HHIP: variants seen among roughly 807,000 people sequenced by gnomAD.
HHIP encodes hedgehog-interacting protein.
HHIP carries 12 observed loss-of-function variants against 74.0 expected under a neutral mutation model. The observed-to-expected ratio is 0.16, with a 90% CI of 0.10 to 0.26. The LOEUF is 0.26. Ranked by LOEUF, HHIP falls within the 10% of genes least tolerant of loss-of-function variation. The pLI is 1.00. For synonymous variants in HHIP, 309 were observed against 311.6 expected, an observed-to-expected ratio of 0.99 and a Z score of 0.09; for missense variants, 788 against 845.0, an observed-to-expected ratio of 0.93 and a Z score of 0.84.
chr4:144,713,565 C>A (rs1028793178), intron 8 of HHIP, among the ~76,000 whole-genome samples: 6 of 152,054 alleles, frequency 3.9e-5, no homozygotes, highest in African/African-American at 1.4e-4. Context: ...ATGCAGATAT[C>A]CAAGTATGTA....
intron 4 of HHIP, among the ~76,000 whole-genome samples, chr4:144,684,223 A>T (rs1479072846): frequency 1.4e-5 from 2 of 146,688 alleles, no homozygotes; most frequent in African/African-American, 5.0e-5. Context: ...AATACAAAAA[A>T]AAAAAAGAAT....
At chr4:144,657,278 G>A (rs867112662) in intron 2 of HHIP, among the ~76,000 whole-genome samples, 3 of 152,084 alleles carry the variant, frequency 2.0e-5, no homozygotes, top group African/African-American at 4.8e-5. Flanking sequence ...TCTTTTATGC[G>A]CCATTGATGA....
rs569103692 is a variant in HHIP, at chr4:144,744,333, A to G, written c.*6376A>G. 6.6e-6 allele frequency: 1 copy of G among 152,302 alleles called. No homozygotes were observed. Among genetic ancestry groups the G allele is most frequent in the South Asian group, 2.1e-4 (1 of 4,824 alleles). The allele number at this position is 152,302 out of a possible 1,614,324, so 9.4% of individuals were successfully genotyped here. A position where few individuals can be genotyped will look rare whatever the true frequency, so the allele number is the denominator to read the frequency against. On this transcript the variant is annotated 3_prime_UTR_variant, in exon 13 of 13. Transcript: ENST00000296575. ...GATTTATTTTGTCCAGTATTAAGGA[A>G]TGGTTATCTTTATCATTCTTCTAAC...
At chr4:144,652,532 C>CA (rs1264846148) in intron 1 of HHIP, 73 bp from the exon 2 acceptor site, 18 of 962,138 alleles carry the variant, frequency 1.9e-5, no homozygotes, top group Admixed American at 2.3e-5. Flanking sequence ...TACACAATTG[C>CA]AAAAAATAAT....
chr4:144,684,232 A>ATTTTTTTTTTTTTTTTTTTTTTTTTT (rs1174297815), intron 4 of HHIP, among the ~76,000 whole-genome samples: 1 of 62,928 alleles, frequency 1.6e-5, no homozygotes, highest in East Asian at 4.7e-4. Flanking sequence ...AAAAAAAAGA[A>ATTTTTTTTTTTTTTTTTTTTTTTTTT]TTTTTTTTTT....
chr4:144,728,205 T>G (rs1378821019), intron 11 of HHIP, among the ~76,000 whole-genome samples: 1 of 152,216 alleles, frequency 6.6e-6, no homozygotes, highest in Non-Finnish European at 1.5e-5. Context: ...TTTGAAAGGT[T>G]TAGTGCCAAC....
chr4:144,707,071 T>G lies in HHIP; in HGVS notation c.984-16T>G. ...TCTTTTAACAGTCATGGTATTGTTT[T>G]CTTCCCACAATGTAGAAAAAATCCA... On this transcript the variant is annotated splice_polypyrimidine_tract_variant and intron_variant, in intron 5 of 12. Coordinates refer to ENST00000296575, the MANE Select transcript of HHIP (RefSeq NM_022475.3). 3 of 1,611,716 alleles carry G rather than the reference T, an allele frequency of 1.9e-6. No individual in the cohort carries two copies. The highest frequency in any genetic ancestry group is 2.5e-6 in the Non-Finnish European group (3 of 1,177,764).
chr4:144,682,809 C>T (rs1729382612), intron 4 of HHIP, among the ~76,000 whole-genome samples: 1 of 152,234 alleles, frequency 6.6e-6, no homozygotes, highest in Non-Finnish European at 1.5e-5. Flanking sequence ...TCAAAGATCA[C>T]TGGCCAAATT....
chr4:144,718,756 C>T (rs1429557416), intron 10 of HHIP, 119 bp from the exon 11 acceptor site: 1 of 702,368 alleles, frequency 1.4e-6, no homozygotes, highest in Non-Finnish European at 2.6e-6. Context: ...AATCTTTAGG[C>T]AAGTGATTTT....
rs76243357 is a variant in HHIP at position 144,688,107 on chromosome 4, A to G, written c.832-18424A>G. Among the ~76,000 whole-genome samples the G allele has an allele frequency of 4.7e-3, 712 of 152,264 alleles. 8 individuals are homozygous for G. Among genetic ancestry groups the G allele is most frequent in the African/African-American group, 0.017 (696 of 41,544 alleles). On this transcript the variant is annotated intron_variant, in intron 4 of 12. Transcript: ENST00000296575. ...CAAAACCCAGCCTGTGAACGCATTT[A>G]AAGAAATTTTGCTCTAGAATCAGCA...
chr4:144,725,733 A>G (rs1481247011), intron 11 of HHIP, among the ~76,000 whole-genome samples: 1 of 152,000 alleles, frequency 6.6e-6, no homozygotes, highest in East Asian at 1.9e-4. Context: ...CAATGGCACG[A>G]TCTCGGCTCA....
chr4:144,689,974 A>C (rs1413204287), intron 4 of HHIP, among the ~76,000 whole-genome samples: 1 of 151,878 alleles, frequency 6.6e-6, no homozygotes, highest in Non-Finnish European at 1.5e-5. Flanking sequence ...ACGCCCAGCT[A>C]ATTTTTGTAT....
At chr4:144,686,093 A>G (rs1729477512) in intron 4 of HHIP, among the ~76,000 whole-genome samples, 1 of 152,220 alleles carries the variant, frequency 6.6e-6, no homozygotes, top group Admixed American at 6.5e-5. Context: ...TCTCAATACT[A>G]TAAACAACTG....
At chr4:144,723,194 T>C (rs1730685672) in intron 11 of HHIP, among the ~76,000 whole-genome samples, 1 of 152,194 alleles carries the variant, frequency 6.6e-6, no homozygotes, top group African/African-American at 2.4e-5. Flanking sequence ...ATATCATTTA[T>C]CTGTTACCCA....
rs1291480102 is a variant in HHIP at position 144,741,579 on chromosome 4, AC to A, written c.*3624del. 6.6e-6 allele frequency: 1 copy of A among 151,910 alleles called. No individual in the cohort carries two copies. Among genetic ancestry groups the A allele is most frequent in the Non-Finnish European group, 1.5e-5 (1 of 68,020 alleles). 9.4% of individuals were successfully genotyped at this position (151,910 alleles called of 1,614,324 possible). On this transcript the variant is annotated 3_prime_UTR_variant, in exon 13 of 13. Coordinates refer to ENST00000296575, the MANE Select transcript of HHIP (RefSeq NM_022475.3). ...GTGTTTTTAGTAGAGACAGGGTTTC[AC>A]CATGTTGGCCAGGCTGATTTCAAAC...
rs1220748475 is a variant in HHIP at position 144,653,067 on chromosome 4, TG to T, written c.472+272del. Among the ~76,000 whole-genome samples the T allele has an allele frequency of 2.6e-5, 4 of 152,154 alleles. No homozygotes were observed. In the South Asian group the frequency reaches 8.3e-4, roughly 32 times the overall value. On this transcript the variant is annotated intron_variant, in intron 2 of 12. Coordinates refer to ENST00000296575, the MANE Select transcript of HHIP (RefSeq NM_022475.3). Reference sequence around the variant, plus strand: ...TAATAACAGCTTAACAGATTACAGGTGGTAATCTTTACACACGTTGGATTCT... The same window carrying T: ...TAATAACAGCTTAACAGATTACAGGTGTAATCTTTACACACGTTGGATTCT...
chr4:144,662,806 T>C (rs1728751189), intron 4 of HHIP, among the ~76,000 whole-genome samples: 1 of 152,236 alleles, frequency 6.6e-6, no homozygotes, highest in African/African-American at 2.4e-5. Flanking sequence ...AAGAAACACT[T>C]CTTTGAGATA....
intron 2 of HHIP, among the ~76,000 whole-genome samples, chr4:144,656,377 C>T (rs1728557743): frequency 6.6e-6 from 1 of 152,278 alleles, no homozygotes. Context: ...CCTCTGGAGC[C>T]ACCAAGTTTA....
chr4:144,650,723 G>C (rs1728396374), intron 1 of HHIP: 1 of 152,068 alleles, frequency 6.6e-6, no homozygotes, highest in African/African-American at 2.4e-5. Flanking sequence ...GGAACAGCAT[G>C]AAACTTTAAA....
Sources: allele counts gnomAD v4.1 joint callset (sites outside exome capture counted in the v4.1 genomes callset), GRCh38; gene constraint gnomAD v4.1.1; transcripts MANE v1.5; gene names NCBI Gene and HGNC (gene_info 2026-07-23, HGNC 2026-07-21).